The following ASB15 variants were observed in gnomAD, a reference collection of about 807,000 sequenced individuals.
The protein encoded by ASB15 is ankyrin repeat and SOCS box protein 15.
In ASB15, 54 loss-of-function variants were observed where a neutral mutation model predicts 58.0. The observed-to-expected ratio is 0.93, with a 90% CI of 0.75 to 1.17. The LOEUF is 1.17. ASB15 is among the 50% of genes most tolerant of loss of function. The probability of loss-of-function intolerance (pLI) is 0.00; values close to 1 mark genes in which losing one functional copy is unlikely to be tolerated. For synonymous variants in ASB15, 249 were observed against 262.4 expected, an observed-to-expected ratio of 0.95 and a Z score of 0.50; for missense variants, 680 against 707.4, an observed-to-expected ratio of 0.96 and a Z score of 0.44.
At chr7:123,605,636 G>T (rs1162404483) in intron 2 of ASB15, among the ~76,000 whole-genome samples, 1 of 152,112 alleles carries the variant, frequency 6.6e-6, no homozygotes, top group African/African-American at 2.4e-5. Context: ...AATGTTGTAC[G>T]TATACACCAT....
At chr7:123,610,288 C>A (rs1308255288) in intron 3 of ASB15, among the ~76,000 whole-genome samples, 1 of 152,100 alleles carries the variant, frequency 6.6e-6, no homozygotes, top group Non-Finnish European at 1.5e-5. Flanking sequence ...ATCTATAATA[C>A]CTACAATATA....
At chr7:123,590,888 G>A (rs1799518717) in intron 1 of ASB15, among the ~76,000 whole-genome samples, 1 of 152,100 alleles carries the variant, frequency 6.6e-6, no homozygotes, top group Non-Finnish European at 1.5e-5. Flanking sequence ...ATTACCTTGG[G>A]CAGTATGGCC....
intron 11 of ASB15, among the ~76,000 whole-genome samples, chr7:123,633,646 C>T (rs760537349): frequency 5.3e-5 from 8 of 152,114 alleles, no homozygotes; most frequent in African/African-American, 1.7e-4. Flanking sequence ...CGCGCGCGCA[C>T]GTGCGTCTGT....
rs372138258 is a variant in ASB15 at position 123,629,218 on chromosome 7, T to C, written c.1224T>C (p.Cys408=). The change falls in exon 10 of 12, where the codon TGT becomes TGC. Residue 408 remains cysteine, a synonymous_variant. Transcript: ENST00000451215. The part of the protein sequence containing the change: ...LLLSHGANVN[C]YFMHVNDTRF... ...TCTCCCATGGAGCTAATGTCAATTG[T>C]TATTTTATGCATGTGAATGACACTC... is the stretch of plus-strand genomic sequence containing the variant. 71 of 1,613,872 alleles carry C rather than the reference T, an allele frequency of 4.4e-5. No homozygotes were observed. Among genetic ancestry groups the C allele is most frequent in the Non-Finnish European group, 5.8e-5 (68 of 1,179,842 alleles).
chr7:123,596,800 C>G (rs1799707655), intron 1 of ASB15, among the ~76,000 whole-genome samples: 2 of 151,980 alleles, frequency 1.3e-5, no homozygotes, highest in South Asian at 2.1e-4. Context: ...GAAATTGAAA[C>G]AAAACACAAA....
At chr7:123,569,855 A>C (rs1174186889) in intron 1 of ASB15, among the ~76,000 whole-genome samples, 5 of 152,194 alleles carry the variant, frequency 3.3e-5, no homozygotes, top group African/African-American at 9.7e-5. Context: ...AAAAAGAGGA[A>C]GCAGAAGGGA....
intron 1 of ASB15, chr7:123,584,855 A>G (rs1464013789): frequency 6.6e-6 from 1 of 151,956 alleles, no homozygotes; most frequent in Non-Finnish European, 1.5e-5. Context: ...AAATTAAGAC[A>G]TATTTTCCTG....
intron 1 of ASB15, among the ~76,000 whole-genome samples, chr7:123,602,209 C>T (rs1204952291): frequency 6.6e-6 from 1 of 151,972 alleles, no homozygotes; most frequent in African/African-American, 2.4e-5. Context: ...AATATATTTA[C>T]TATAGAATCC....
In ASB15 at chr7:123,630,098, C is replaced by T; in HGVS notation, c.1573C>T (p.Pro525Ser). Reference sequence around the variant, plus strand: ...TGCACTAGAAGTACAGAGAGAATGGCCAGAAATCCGCCAAATACTAGGTAA... The same window carrying T: ...TGCACTAGAAGTACAGAGAGAATGGTCAGAAATCCGCCAAATACTAGGTAA... ...KSALEVQREW[P>S]EIRQILENPC... The change falls in exon 11 of 12, where the codon CCA becomes TCA. Residue 525 changes from proline to serine, a missense_variant. By Grantham distance (74) the Pro-to-Ser change is moderately conservative. Coordinates refer to ENST00000451215, the MANE Select transcript of ASB15 (RefSeq NM_001290258.2). The T allele has an allele frequency of 6.3e-7, 1 of 1,593,240 alleles. No individual in the cohort carries two copies. Among genetic ancestry groups the T allele is most frequent in the Non-Finnish European group, 8.6e-7 (1 of 1,167,966 alleles).
chr7:123,604,437 C>G (rs1468626582), intron 2 of ASB15, among the ~76,000 whole-genome samples: 1 of 151,832 alleles, frequency 6.6e-6, no homozygotes, highest in Non-Finnish European at 1.5e-5. Flanking sequence ...CAAAAATTAG[C>G]CCAGCATAGT....
chr7:123,590,876 A>G (rs1799518258), intron 1 of ASB15, among the ~76,000 whole-genome samples: 1 of 152,154 alleles, frequency 6.6e-6, no homozygotes, highest in African/African-American at 2.4e-5. Context: ...TTGAATCTAT[A>G]AATTACCTTG....
Position 123,629,159 on chromosome 7 carries a change from A to G in ASB15, c.1165A>G (p.Arg389Gly). The change falls in exon 10 of 12, where the codon AGG (arginine) becomes GGG (glycine). Residue 389 changes from arginine (R) to glycine (G), a missense_variant. By Grantham distance (125) the Arg-to-Gly change is moderately radical. Coordinates refer to ENST00000451215, the MANE Select transcript of ASB15 (RefSeq NM_001290258.2). ...DPLNCLLVAV[R>G]ANNYEIVRLL... ...CCTCAACTGTCTACTTGTTGCAGTG[A>G]GGGCCAATAATTATGAAATTGTCAG... 1.2e-6 allele frequency: 2 copies of G among 1,614,122 alleles called. No individual in the cohort carries two copies. The highest frequency in any genetic ancestry group is 1.7e-6 in the Non-Finnish European group (2 of 1,179,994).
intron 3 of ASB15, among the ~76,000 whole-genome samples, chr7:123,612,604 C>T (rs1800530228): frequency 6.6e-6 from 1 of 151,552 alleles, no homozygotes; most frequent in Non-Finnish European, 1.5e-5. Flanking sequence ...TGGAGGGCCT[C>T]GTGAATAAAG....
intron 9 of ASB15, among the ~76,000 whole-genome samples, chr7:123,628,106 C>T (rs141285796): frequency 1.3e-5 from 2 of 152,326 alleles, no homozygotes; most frequent in African/African-American, 4.8e-5. Flanking sequence ...AAGTGTGAAA[C>T]TCACAACTAT....
At chr7:123,582,657 T>C (rs1336893743) in intron 1 of ASB15, among the ~76,000 whole-genome samples, 1 of 151,878 alleles carries the variant, frequency 6.6e-6, no homozygotes, top group Non-Finnish European at 1.5e-5. Flanking sequence ...ATACATTATC[T>C]CGAAAACTCC....
chr7:123,624,762 C>T lies in ASB15; in HGVS notation c.645C>T (p.Gly215=), dbSNP rs758785121. Residue 215 remains glycine, a synonymous_variant, in exon 8 of 12, where the codon GGC becomes GGT. Transcript: ENST00000451215. ...LRDGFGVTPL[G]VAAEYGHCDV... is the part of the protein sequence containing the mutation. ...ATGGATTTGGAGTCACACCACTAGG[C>T]GTCGCTGCCGAGTATGGTCACTGTG... The T allele has an allele frequency of 1.2e-6, 2 of 1,613,980 alleles. No individual in the cohort carries two copies. Among genetic ancestry groups the T allele is most frequent in the Non-Finnish European group, 1.7e-6 (2 of 1,179,870 alleles).
upstream of ASB15, among the ~76,000 whole-genome samples, chr7:123,600,849 A>T (rs557722302): frequency 2.0e-5 from 3 of 152,336 alleles, no homozygotes; most frequent in Admixed American, 2.0e-4. Flanking sequence ...GTACAAAGAA[A>T]ATGTCAGAGA....
chr7:123,580,107 C>A (rs917340434), intron 1 of ASB15, among the ~76,000 whole-genome samples: 1 of 151,806 alleles, frequency 6.6e-6, no homozygotes, highest in African/African-American at 2.4e-5. Context: ...GAAGGATGGT[C>A]TAAATTGGGT....
At chr7:123,573,809 T>G (rs1373438656) in intron 1 of ASB15, among the ~76,000 whole-genome samples, 1 of 152,180 alleles carries the variant, frequency 6.6e-6, no homozygotes, top group Non-Finnish European at 1.5e-5. Context: ...TTCAATCATT[T>G]AAAAGTATGT....
Sources: gnomAD v4.1 joint callset for allele counts (sites outside exome capture counted in the v4.1 genomes callset) on GRCh38, gnomAD v4.1.1 for gene constraint, MANE v1.5 for transcripts, NCBI Gene and HGNC (gene_info 2026-07-23, HGNC 2026-07-21) for gene names.